Variants in TBC1D19 observed in about 807,000 individuals in gnomAD.
The protein encoded by TBC1D19 is TBC1 domain family member 19, also known as TBC1 domain family, member 19.
TBC1D19 carries 60 observed loss-of-function variants against 89.0 expected under a neutral mutation model. The observed-to-expected ratio is 0.67, with a 90% CI of 0.55 to 0.84. The LOEUF (loss-of-function observed/expected upper bound fraction) is 0.84. Ranked by LOEUF, TBC1D19 falls within the 40% of genes least tolerant of loss-of-function variation. TBC1D19 has a pLI of 0.00. For missense variants in TBC1D19, 500 were observed against 610.8 expected, an observed-to-expected ratio of 0.82 and a Z score of 1.91; for synonymous variants, 189 against 199.7, an observed-to-expected ratio of 0.95 and a Z score of 0.45.
the TBC1D19 span, among the ~76,000 whole-genome samples, chr4:26,777,355 G>A: frequency 2.6e-5 from 4 of 151,904 alleles, no homozygotes; most frequent in African/African-American, 7.3e-5. Context: ...GGTTGGTCTC[G>A]AACTCCTGAC....
chr4:26,785,920 C>A, the TBC1D19 span, among the ~76,000 whole-genome samples: 1 of 152,124 alleles, frequency 6.6e-6, no homozygotes, highest in African/African-American at 2.4e-5. Flanking sequence ...TTGTAATACA[C>A]AGGGGTAGGC....
chr4:26,847,176 CAG>C, the TBC1D19 span, among the ~76,000 whole-genome samples: 2 of 152,164 alleles, frequency 1.3e-5, no homozygotes, highest in Admixed American at 6.5e-5. Context: ...CTTCTAGCCT[CAG>C]GGGATAAAAT....
At chr4:26,604,060 T>G (rs1243403843) in intron 1 of TBC1D19, among the ~76,000 whole-genome samples, 1 of 152,176 alleles carries the variant, frequency 6.6e-6, no homozygotes, top group African/African-American at 2.4e-5. Flanking sequence ...AATCATATGG[T>G]ATCTGTTTTT....
chr4:26,827,298 C>T, the TBC1D19 span, among the ~76,000 whole-genome samples: 2 of 152,190 alleles, frequency 1.3e-5, no homozygotes, highest in Non-Finnish European at 2.9e-5. Context: ...CCAAATCTAT[C>T]CTTTGGGTCA....
intron 1 of TBC1D19, among the ~76,000 whole-genome samples, chr4:26,603,220 T>G (rs77515725): frequency 0.013 from 2,055 of 152,346 alleles, 41 homozygotes; most frequent in African/African-American, 0.047. Context: ...ACTTACAGAC[T>G]TCTCTGATGA....
Position 26,637,205 on chromosome 4 carries a change from T to G in TBC1D19, c.295-6T>G, listed in dbSNP as rs1743190066. ...AAAAGATAATTGATTGTTTTTTATG[T>G]TTCAGGGAAGTTGGGAAAAAAGAAT... On this transcript the variant is annotated splice_polypyrimidine_tract_variant and splice_region_variant and intron_variant, in intron 4 of 20. Coordinates refer to ENST00000264866, the MANE Select transcript of TBC1D19 (RefSeq NM_018317.4). 6.3e-7 allele frequency: 1 copy of G among 1,596,956 alleles called. No homozygotes were observed. The highest frequency in any genetic ancestry group is 1.3e-5 in the African/African-American group (1 of 74,434).
At chr4:26,654,935 A>AG in intron 7 of TBC1D19, among the ~76,000 whole-genome samples, 1 of 152,084 alleles carries the variant, frequency 6.6e-6, no homozygotes, top group East Asian at 1.9e-4. Context: ...ATTCCTTTGG[A>AG]GGGGGAAAGG....
At chr4:26,815,766 T>G in the TBC1D19 span, among the ~76,000 whole-genome samples, 1 of 152,254 alleles carries the variant, frequency 6.6e-6, no homozygotes, top group Non-Finnish European at 1.5e-5. Context: ...TATAATTTCC[T>G]GTCTTGTCGG....
At chr4:26,659,196 A>G (rs1745063924) in intron 7 of TBC1D19, among the ~76,000 whole-genome samples, 1 of 152,152 alleles carries the variant, frequency 6.6e-6, no homozygotes, top group African/African-American at 2.4e-5. Flanking sequence ...ATTTGTTTTT[A>G]AATGTGTTAG....
chr4:26,842,903 C>A, the TBC1D19 span, among the ~76,000 whole-genome samples: 44 of 152,182 alleles, frequency 2.9e-4, no homozygotes, highest in African/African-American at 1.0e-3. Context: ...ATCGTAGAAA[C>A]ATTTTCATTT....
the TBC1D19 span, among the ~76,000 whole-genome samples, chr4:26,822,976 A>G: frequency 6.6e-6 from 1 of 152,174 alleles, no homozygotes; most frequent in Non-Finnish European, 1.5e-5. Flanking sequence ...GACCCTGCCC[A>G]GGAGTAGACT....
chr4:26,804,202 A>G, the TBC1D19 span, among the ~76,000 whole-genome samples: 1 of 151,960 alleles, frequency 6.6e-6, no homozygotes, highest in African/African-American at 2.4e-5. Context: ...CAGGAGTGCA[A>G]CGGTGGGATC....
chr4:26,600,127 T>C (rs1740501685), intron 1 of TBC1D19, among the ~76,000 whole-genome samples: 1 of 152,200 alleles, frequency 6.6e-6, no homozygotes, highest in South Asian at 2.1e-4. Flanking sequence ...ATATGTTTTG[T>C]TGCTCAGATT....
chr4:26,594,010 A>AGC, intron 1 of TBC1D19, among the ~76,000 whole-genome samples: 1 of 152,224 alleles, frequency 6.6e-6, no homozygotes, highest in East Asian at 1.9e-4. Context: ...AAAGGATTAT[A>AGC]AATCATGCTG....
intron 11 of TBC1D19, among the ~76,000 whole-genome samples, chr4:26,680,021 C>T (rs868220610): frequency 6.6e-5 from 10 of 152,092 alleles, no homozygotes; most frequent in East Asian, 1.9e-4. Context: ...ATTTTGTTCT[C>T]GTGATAGTGA....
chr4:26,653,054 T>G (rs1157533710), intron 7 of TBC1D19, among the ~76,000 whole-genome samples: 3 of 152,212 alleles, frequency 2.0e-5, no homozygotes, highest in Admixed American at 6.5e-5. Context: ...TTCCAGAGAT[T>G]CTGGTATGTT....
chr4:26,800,850 G>T, the TBC1D19 span, among the ~76,000 whole-genome samples: 1 of 151,886 alleles, frequency 6.6e-6, no homozygotes, highest in East Asian at 1.9e-4. Context: ...TTTTTGATGG[G>T]GTCATTTGTT....
At chr4:26,715,510 G>C (rs998430266) in intron 13 of TBC1D19, among the ~76,000 whole-genome samples, 3 of 152,068 alleles carry the variant, frequency 2.0e-5, no homozygotes, top group African/African-American at 7.2e-5. Flanking sequence ...ATCAACACAT[G>C]TATAAGTGCA....
chr4:26,642,115 G>A (rs577013356), intron 7 of TBC1D19, among the ~76,000 whole-genome samples: 9 of 152,214 alleles, frequency 5.9e-5, no homozygotes, highest in African/African-American at 2.2e-4. Context: ...GCAACCCCAA[G>A]GCACATAACT....
Sources: allele counts gnomAD v4.1 joint callset (sites outside exome capture counted in the v4.1 genomes callset), GRCh38; gene constraint gnomAD v4.1.1; transcripts MANE v1.5; gene names NCBI Gene and HGNC (gene_info 2026-07-23, HGNC 2026-07-21).